TUBGCP5: variants seen among roughly 807,000 people sequenced by gnomAD.
TUBGCP5 encodes gamma-tubulin complex component 5.
Under a neutral mutation model 134.7 loss-of-function variants are expected in TUBGCP5, and 98 were observed. The ratio of observed to expected loss-of-function variants is 0.73; its 90% CI spans 0.62 to 0.86. The LOEUF is 0.86. Among genes scored for constraint, TUBGCP5 ranks in the 40% least tolerant of loss-of-function variants. The pLI is 0.00. For missense variants in TUBGCP5, 1,150 were observed against 1,244.8 expected (o/e 0.92, Z 1.15); for synonymous variants, 456 against 431.4 (o/e 1.06, Z -0.71).
chr15:22,993,525 G>GTTGTTTTTTTTTT (rs1567083011), intron 23 of TUBGCP5, among the ~76,000 whole-genome samples: 8 of 69,286 alleles, frequency 1.2e-4, no homozygotes, highest in African/African-American at 4.2e-4. Context: ...AGCCCCCGAA[G>GTTGTTTTTTTTTT]TTTTTTTTTT....
intron 23 of TUBGCP5, among the ~76,000 whole-genome samples, chr15:22,989,784 GT>G (rs982551764): frequency 6.6e-6 from 1 of 152,178 alleles, no homozygotes; most frequent in African/African-American, 2.4e-5. Context: ...GCCACACCTT[GT>G]TCAAGCTGGA....
chr15:23,029,418 A>G (rs1038745667), intron 6 of TUBGCP5, among the ~76,000 whole-genome samples: 3 of 151,802 alleles, frequency 2.0e-5, no homozygotes, highest in Non-Finnish European at 2.9e-5. Flanking sequence ...GTGGGGTTTC[A>G]CCATGTTGGT....
At chr15:23,008,565 T>A (rs1258916657) in intron 16 of TUBGCP5, 134 bp downstream of exon 16, 1 of 1,189,864 alleles carries the variant, frequency 8.4e-7, no homozygotes, top group Non-Finnish European at 1.2e-6. Flanking sequence ...GCCTCCATTT[T>A]CTAATAAGTA....
At chr15:23,001,784 T>A (rs972795912) in intron 21 of TUBGCP5, among the ~76,000 whole-genome samples, 1 of 151,864 alleles carries the variant, frequency 6.6e-6, no homozygotes, top group Non-Finnish European at 1.5e-5. Context: ...CACCACAATA[T>A]TCAGAAGCAA....
At chr15:22,988,768 GTTGT>G (rs757638616) in intron 23 of TUBGCP5, among the ~76,000 whole-genome samples, 8 of 150,992 alleles carry the variant, frequency 5.3e-5, no homozygotes, top group Non-Finnish European at 8.9e-5. Flanking sequence ...TTTGTTGTTT[GTTGT>G]TTGTTTGTTT....
chr15:22,996,149 G>T (rs1411703921), downstream of TUBGCP5, among the ~76,000 whole-genome samples: 28 of 152,338 alleles, frequency 1.8e-4, no homozygotes. Flanking sequence ...CTTCTCAGGG[G>T]TAGATACATG....
At chr15:22,988,027 G>A (rs201924109) in intron 23 of TUBGCP5, among the ~76,000 whole-genome samples, 1 of 151,632 alleles carries the variant, frequency 6.6e-6, no homozygotes, top group East Asian at 1.9e-4. Context: ...CCCACTCTGT[G>A]GTGCCTTGAT....
At chr15:23,003,320 G>T (rs1205578777) in intron 20 of TUBGCP5, among the ~76,000 whole-genome samples, 167 bp from the exon 21 acceptor site, 3 of 152,206 alleles carry the variant, frequency 2.0e-5, no homozygotes, top group African/African-American at 4.8e-5. Flanking sequence ...TTTGGGACCA[G>T]GCACATGCAT....
chr15:23,017,718 G>A (rs766053782), intron 13 of TUBGCP5, 55 bp downstream of exon 13: 73 of 1,534,710 alleles, frequency 4.8e-5, no homozygotes, highest in African/African-American at 2.5e-4. Flanking sequence ...TGACAAGAGC[G>A]AGTAGGGTCA....
Position 23,010,000 on chromosome 15 carries a change from T to G in TUBGCP5, c.2089A>C (p.Lys697Gln), listed in dbSNP as rs1344271382. 1 of 1,614,134 alleles carries G rather than the reference T, an allele frequency of 6.2e-7. No homozygotes were observed. The highest frequency in any genetic ancestry group is 2.2e-5 in the East Asian group (1 of 44,878). ...LRSCLYPHIDKQYLDCCGNLM... is the reference protein window; with the variant it reads ...LRSCLYPHIDQQYLDCCGNLM... ...TTTCCACAGCAATCTAGATACTGCT[T>G]GTCAATATGAGGATAGAGGCAGGAT... The change falls in exon 15 of 23, where the codon AAG (lysine) becomes CAG (glutamine). Residue 697 changes from lysine to glutamine, a missense_variant. By Grantham distance (53) the Lys-to-Gln change is moderately conservative (BLOSUM62 1). Around this residue, in one of 2 missense-constraint regions of TUBGCP5, gnomAD observed 697 missense variants for 850.1 expected, o/e 0.82. Coordinates refer to ENST00000615383, the MANE Select transcript of TUBGCP5 (RefSeq NM_052903.6).
In TUBGCP5 at chr15:23,039,526, T is replaced by A. The variant is rs2066805841; in HGVS notation, c.18A>T (p.Pro6=). The A allele has an allele frequency of 6.7e-7, 1 of 1,486,990 alleles. No homozygotes were observed. The highest frequency in any genetic ancestry group is 9.0e-7 in the Non-Finnish European group (1 of 1,107,874). The allele number at this position is 1,486,990 out of a possible 1,614,324, so 92.1% of individuals were successfully genotyped here. A position where few individuals can be genotyped will look rare whatever the true frequency, so the allele number is the denominator to read the frequency against. ...GCTGCGCGTCCAACCGACTCCACGGTGGCCCGTGCCGCGCCATGTTCCGCG... is the reference window on the plus strand; with the variant it reads ...GCTGCGCGTCCAACCGACTCCACGGAGGCCCGTGCCGCGCCATGTTCCGCG... MARHG[P]PWSRLDAQQE... The change falls in exon 1 of 23, where the codon CCA becomes CCT. Residue 6 remains proline, a synonymous_variant. Transcript: ENST00000615383.
Position 22,990,256 on chromosome 15 carries a change from C to A in TUBGCP5, c.*61+6589G>T, listed in dbSNP as rs958295503. ...TTCTCCCACTCCTCCCCCTCCTCTT[C>A]CCCTCCTCTTCCATCTCTCTCCTCC... is the stretch of plus-strand genomic sequence containing the variant. On this transcript the variant is annotated intron_variant and NMD_transcript_variant, in intron 23 of 23. Coordinates refer to the TUBGCP5 transcript ENST00000614508. 2.0e-5 allele frequency among the ~76,000 whole-genome samples: 3 copies of A among 146,908 alleles called. No individual in the cohort carries two copies. In the South Asian group the frequency reaches 6.3e-4, roughly 31 times the overall value.
Position 23,032,828 on chromosome 15 carries a change from T to C in TUBGCP5, c.310-4A>G, listed in dbSNP as rs1266406936. The stretch of plus-strand genomic sequence containing the variant: ...GTATGGAATAATGTGCATCTGTCTT[T>C]AAAACAAAAAAAAGAACATAAATCT... On this transcript the variant is annotated splice_region_variant and splice_polypyrimidine_tract_variant and intron_variant, in intron 3 of 22. Coordinates refer to ENST00000615383, the MANE Select transcript of TUBGCP5 (RefSeq NM_052903.6). 3.9e-6 allele frequency: 6 copies of C among 1,550,602 alleles called. No individual in the cohort carries two copies. Among genetic ancestry groups the C allele is most frequent in the Non-Finnish European group, 4.3e-6 (5 of 1,153,458 alleles).
chr15:23,025,273 A>G (rs553113967), intron 8 of TUBGCP5, among the ~76,000 whole-genome samples: 22 of 152,300 alleles, frequency 1.4e-4, no homozygotes, highest in African/African-American at 4.8e-4. Context: ...GAAGACATCA[A>G]TCTTTTCATC....
intron 1 of TUBGCP5, 80 bp downstream of exon 1, chr15:23,039,318 C>T (rs2066783422): frequency 8.1e-7 from 1 of 1,231,086 alleles, no homozygotes; most frequent in Admixed American, 4.3e-5. Context: ...CCCCAGCGCG[C>T]CCCGACCCCG....
At chr15:23,010,747 G>C (rs2064987620) in intron 14 of TUBGCP5, among the ~76,000 whole-genome samples, 1 of 152,098 alleles carries the variant, frequency 6.6e-6, no homozygotes, top group East Asian at 1.9e-4. Flanking sequence ...GGGAGGCCGA[G>C]GTGGGCAGAT....
At chr15:22,993,525 G>GTTTTTTTTTTTTTTTTTTTTTTTTTTT (rs71414252) in intron 23 of TUBGCP5, among the ~76,000 whole-genome samples, 2 of 69,288 alleles carry the variant, frequency 2.9e-5, no homozygotes, top group Admixed American at 2.0e-4. Context: ...AGCCCCCGAA[G>GTTTTTTTTTTTTTTTTTTTTTTTTTTT]TTTTTTTTTT....
intron 3 of TUBGCP5, among the ~76,000 whole-genome samples, chr15:23,034,597 C>A (rs1448261327): frequency 2.0e-5 from 3 of 152,080 alleles, no homozygotes; most frequent in Admixed American, 6.6e-5. Flanking sequence ...GGGTGGCTCA[C>A]GCCTGTAATC....
In TUBGCP5 at chr15:23,024,067, G is replaced by GA. The variant is rs2065860404; in HGVS notation, c.1047dup (p.Pro350SerfsTer2). ...AAGGGAGCTTCAGTTGACTTCTTAG[G>GA]AACAGACCCACTTCCAGGCAGCATG... On this transcript the variant is annotated frameshift_variant, in exon 10 of 23. Coordinates refer to ENST00000615383, the MANE Select transcript of TUBGCP5 (RefSeq NM_052903.6). LOFTEE classifies it high-confidence loss of function. The GA allele has an allele frequency of 6.2e-7, 1 of 1,613,976 alleles. No individual in the cohort carries two copies. The highest frequency in any genetic ancestry group is 1.7e-5 in the Admixed American group (1 of 59,986).
Sources: gnomAD v4.1 joint callset for allele counts (sites outside exome capture counted in the v4.1 genomes callset) on GRCh38, gnomAD v4.1.1 for gene constraint, gnomAD v4.1.1 regional missense constraint, MANE v1.5 for transcripts, NCBI Gene and HGNC (gene_info 2026-07-23, HGNC 2026-07-21) for gene names.